Variants in PPIG observed in about 807,000 individuals in gnomAD.
PPIG encodes the protein peptidyl-prolyl cis-trans isomerase G.
PPIG carries 26 observed loss-of-function variants against 87.9 expected under a neutral mutation model. The observed-to-expected ratio is 0.30, with a 90% CI of 0.22 to 0.41. The LOEUF (loss-of-function observed/expected upper bound fraction) is 0.41. PPIG is among the 10% of genes least tolerant of loss of function. PPIG has a pLI of 1.00. For synonymous variants in PPIG, 308 were observed against 276.5 expected (o/e 1.11, Z -1.13); for missense variants, 722 against 879.4 (o/e 0.82, Z 2.26).
At chr2:169,606,429 T>A (rs1391791288) in intron 5 of PPIG, among the ~76,000 whole-genome samples, 1 of 151,860 alleles carries the variant, frequency 6.6e-6, no homozygotes, top group East Asian at 1.9e-4. Context: ...CTGCCTCTAC[T>A]AAAAATAGAA....
rs771198057 is a variant in PPIG, at chr2:169,616,305, CAT to C, written c.547+1584_547+1585del. Among the ~76,000 whole-genome samples, 27 of 152,250 alleles carry C rather than the reference CAT, an allele frequency of 1.8e-4. No individual in the cohort carries two copies. The East Asian group carries it at 2.5e-3, about 14-fold the overall frequency. ...GTATTTTGAATAGTGCTGCAGTAAA[CAT>C]ATGTGTGCATGTGTCTTTATAGAAG... On this transcript the variant is annotated intron_variant, in intron 9 of 13. Coordinates refer to ENST00000260970, the MANE Select transcript of PPIG (RefSeq NM_004792.3).
intron 11 of PPIG, 150 bp downstream of exon 11, chr2:169,632,083 G>C: frequency 9.2e-7 from 1 of 1,088,874 alleles, no homozygotes. Context: ...GTTCTTTTTT[G>C]CCAACCACAT....
In PPIG at chr2:169,640,769, A is replaced by G. The variant is rs1686293708; in HGVS notation, c.*3246A>G. ...TTAATAAGCCCCCAGGAAGTACAGC[A>G]TTGACTGGCACAACTGCCCATAGTG... On this transcript the variant is annotated 3_prime_UTR_variant, in exon 14 of 14. Coordinates refer to ENST00000260970, the MANE Select transcript of PPIG (RefSeq NM_004792.3). 6.6e-6 allele frequency: 1 copy of G among 152,242 alleles called. No homozygotes were observed. Among genetic ancestry groups the G allele is most frequent in the Admixed American group, 6.5e-5 (1 of 15,280 alleles). The allele number at this position is 152,242 out of a possible 1,614,324, so 9.4% of individuals were successfully genotyped here.
intron 11 of PPIG, 143 bp downstream of exon 11, chr2:169,632,076 C>CT (rs1450916047): frequency 2.6e-6 from 3 of 1,154,450 alleles, no homozygotes; most frequent in Non-Finnish European, 3.5e-6. Flanking sequence ...CCGCAAAGTT[C>CT]TTTTTTGCCA....
chr2:169,592,303 C>CTTTTTTTTTTT (rs777690234), intron 1 of PPIG, among the ~76,000 whole-genome samples: 3 of 93,568 alleles, frequency 3.2e-5, no homozygotes, highest in Non-Finnish European at 5.8e-5. Context: ...TGTCTTTTTT[C>CTTTTTTTTTTT]TTTTTTTTTT....
chr2:169,611,250 A>G (rs950912675), intron 7 of PPIG, among the ~76,000 whole-genome samples: 1 of 152,144 alleles, frequency 6.6e-6, no homozygotes, highest in Non-Finnish European at 1.5e-5. Context: ...GAAAAAGAAA[A>G]AAAGAAAGAA....
intron 9 of PPIG, among the ~76,000 whole-genome samples, chr2:169,618,109 ATTG>A (rs1177355794): frequency 1.3e-5 from 2 of 152,184 alleles, no homozygotes; most frequent in Non-Finnish European, 2.9e-5. Flanking sequence ...TATTGAGATA[ATTG>A]TGTGGTTTTT....
intron 9 of PPIG, among the ~76,000 whole-genome samples, chr2:169,623,985 T>C (rs1454482577): frequency 6.6e-6 from 1 of 152,184 alleles, no homozygotes; most frequent in Non-Finnish European, 1.5e-5. Flanking sequence ...GTTTTGTTTT[T>C]TTGAGACTGT....
At chr2:169,603,176 G>C (rs949715886) in intron 1 of PPIG, among the ~76,000 whole-genome samples, 4 of 152,112 alleles carry the variant, frequency 2.6e-5, no homozygotes, top group Non-Finnish European at 5.9e-5. Context: ...ATATGAAACT[G>C]TCATTTTTAG....
chr2:169,593,907 G>A (rs1038301990), intron 1 of PPIG, among the ~76,000 whole-genome samples: 1 of 150,536 alleles, frequency 6.6e-6, no homozygotes, highest in Non-Finnish European at 1.5e-5. Context: ...TGCCTGCCTC[G>A]GGCTCCCAAA....
chr2:169,637,262 T>C lies in PPIG; in HGVS notation c.2004T>C (p.Ser668=), dbSNP rs1271407170. ...SESEKRMYSK[S]RDHNSSNNSR... ...GTGAGAAAAGAATGTACTCTAAAAG[T>C]CGTGATCATAATAGCTCAAATAACA... The change falls in exon 14 of 14, where the codon AGT becomes AGC. Residue 668 remains serine (S), a synonymous_variant. Transcript: ENST00000260970. 3.1e-6 allele frequency: 5 copies of C among 1,612,630 alleles called. No homozygotes were observed. The highest frequency in any genetic ancestry group is 4.2e-6 in the Non-Finnish European group (5 of 1,179,700).
chr2:169,639,742 A>T lies in PPIG; in HGVS notation c.*2219A>T, dbSNP rs1686270904. ...TTTTTAAAATGATTAAACAGCATTAACTGTACCTCAGGATCTGCGCATGCA... is the reference window on the plus strand; with the variant it reads ...TTTTTAAAATGATTAAACAGCATTATCTGTACCTCAGGATCTGCGCATGCA... On this transcript the variant is annotated 3_prime_UTR_variant, in exon 14 of 14. Coordinates refer to ENST00000260970, the MANE Select transcript of PPIG (RefSeq NM_004792.3). 6.6e-6 allele frequency: 1 copy of T among 152,168 alleles called. No homozygotes were observed. Among genetic ancestry groups the T allele is most frequent in the African/African-American group, 2.4e-5 (1 of 41,458 alleles). The allele number at this position is 152,168 out of a possible 1,614,324, so 9.4% of individuals were successfully genotyped here. A position where few individuals can be genotyped will look rare whatever the true frequency, so the allele number is the denominator to read the frequency against.
At chr2:169,615,544 A>G (rs1685589563) in intron 9 of PPIG, among the ~76,000 whole-genome samples, 1 of 152,170 alleles carries the variant, frequency 6.6e-6, no homozygotes, top group Non-Finnish European at 1.5e-5. Context: ...TTTAGATTCC[A>G]CATGTAAGTG....
rs534944322 is a variant in PPIG at position 169,615,193 on chromosome 2, C to T, written c.547+469C>T. On this transcript the variant is annotated intron_variant, in intron 9 of 13. Coordinates refer to ENST00000260970, the MANE Select transcript of PPIG (RefSeq NM_004792.3). Reference sequence around the variant, plus strand: ...CCTCCCAAGTAGCTGGGACTACAAGCGCCCACCACCACACCCAGCTAACTT... The same window carrying T: ...CCTCCCAAGTAGCTGGGACTACAAGTGCCCACCACCACACCCAGCTAACTT... Among the ~76,000 whole-genome samples the T allele has an allele frequency of 3.3e-5, 5 of 152,136 alleles. 1 individual carries two copies. Among genetic ancestry groups the T allele is most frequent in the African/African-American group, 9.6e-5 (4 of 41,510 alleles).
At position 169,593,345 on chromosome 2, in the gene PPIG, C is replaced by T. The variant is rs547282645; in HGVS notation, c.-70+8855C>T. On this transcript the variant is annotated intron_variant, in intron 1 of 13. Coordinates refer to ENST00000260970, the MANE Select transcript of PPIG (RefSeq NM_004792.3). ...AAGTAACTGGAATTACAGACACCCA[C>T]CACCATGCCCGGCTATTTTTTTGTA... Among the ~76,000 whole-genome samples the T allele has an allele frequency of 3.9e-5, 6 of 152,196 alleles. No individual in the cohort carries two copies. The South Asian group carries it at 1.2e-3, about 32-fold the overall frequency.
At chr2:169,615,057 T>C (rs918893176) in intron 9 of PPIG, among the ~76,000 whole-genome samples, 1 of 151,962 alleles carries the variant, frequency 6.6e-6, no homozygotes, top group African/African-American at 2.4e-5. Flanking sequence ...GTTGTTTGTT[T>C]GTTTGTTTTG....
intron 11 of PPIG, among the ~76,000 whole-genome samples, chr2:169,632,864 G>T (rs1574465236): frequency 6.6e-6 from 1 of 151,558 alleles, no homozygotes; most frequent in South Asian, 2.1e-4. Context: ...TCTTGGCCAG[G>T]CATAGTGGCT....
At chr2:169,613,655 G>T (rs1685546187) in intron 7 of PPIG, among the ~76,000 whole-genome samples, 3 of 152,064 alleles carry the variant, frequency 2.0e-5, no homozygotes, top group Non-Finnish European at 4.4e-5. Context: ...TCTCAGCGGG[G>T]CAATGACTCA....
chr2:169,607,113 G>A lies in PPIG; in HGVS notation c.254G>A (p.Arg85Gln). The change falls in exon 6 of 14, where the codon CGA (arginine) becomes CAA (glutamine). Residue 85 changes from arginine (R) to glutamine (Q), a missense_variant. By Grantham distance (43) the Arg-to-Gln change is conservative. Transcript: ENST00000260970. ...TGTTTTTCATTTTTAGGAAATGGAC[G>A]AGGAGGGGAATCTATCTATGGAGGA... ...QGGDFSEGNGRGGESIYGGFF... is the reference protein window; with the variant it reads ...QGGDFSEGNGQGGESIYGGFF... The A allele has an allele frequency of 1.9e-6, 3 of 1,569,434 alleles. No individual in the cohort carries two copies. The highest frequency in any genetic ancestry group is 2.6e-6 in the Non-Finnish European group (3 of 1,144,098).
Sources: allele counts gnomAD v4.1 joint callset (sites outside exome capture counted in the v4.1 genomes callset), GRCh38; gene constraint gnomAD v4.1.1; transcripts MANE v1.5; gene names NCBI Gene and HGNC (gene_info 2026-07-23, HGNC 2026-07-21).